The following SEMA4D variants were observed in gnomAD, a reference collection of about 807,000 sequenced individuals.
The protein encoded by SEMA4D is semaphorin 4D, also known as semaphorin-4D.
Under a neutral mutation model 74.8 loss-of-function variants are expected in SEMA4D, and 22 were observed. That is an observed-to-expected ratio of 0.29 (90% CI 0.21 to 0.42). SEMA4D has a LOEUF of 0.42. Among genes scored for constraint, SEMA4D ranks in the 10% least tolerant of loss-of-function variants. The probability of loss-of-function intolerance (pLI) is 1.00; values close to 1 mark genes in which losing one functional copy is unlikely to be tolerated. For synonymous variants in SEMA4D, 445 were observed against 463.7 expected (o/e 0.96, Z 0.52); for missense variants, 937 against 1,118.4 (o/e 0.84, Z 2.31).
chr9:89,373,188 C>T (rs930182981), downstream of SEMA4D, among the ~76,000 whole-genome samples: 8 of 152,194 alleles, frequency 5.3e-5, no homozygotes, highest in South Asian at 1.4e-3. Flanking sequence ...CCCACGTGGC[C>T]ACATCACCTC....
rs544086609 is a variant in SEMA4D, at chr9:89,435,012, A to AT, written c.-244+20875dup. ...ATGCTGCAACATAATTAATCCATAT[A>AT]TTTTTAATACTGGGAAGTCCCAACC... On this transcript the variant is annotated intron_variant, in intron 2 of 15. Transcript: ENST00000422704. Among the ~76,000 whole-genome samples the AT allele has an allele frequency of 9.2e-5, 14 of 152,240 alleles. No individual in the cohort carries two copies. The South Asian group carries it at 2.9e-3, about 32-fold the overall frequency.
chr9:89,394,581 G>A (rs1272453149), intron 6 of SEMA4D, among the ~76,000 whole-genome samples: 1 of 152,254 alleles, frequency 6.6e-6, no homozygotes, highest in Admixed American at 6.5e-5. Flanking sequence ...TGGGCATGCT[G>A]AAGACAGGCA....
At chr9:89,370,744 T>G (rs1190489099) in intron 16 of SEMA4D, among the ~76,000 whole-genome samples, 1 of 128,796 alleles carries the variant, frequency 7.8e-6, no homozygotes, top group Admixed American at 8.0e-5. Context: ...GGTGTGTGTG[T>G]GGGGTGTGGT....
chr9:89,497,828 G>A (rs1401163863), intron 1 of SEMA4D, 91 bp downstream of exon 1: 4 of 151,366 alleles, frequency 2.6e-5, no homozygotes, highest in Admixed American at 6.6e-5. Flanking sequence ...CTAGGGGTGT[G>A]GAGTGGGGGC....
At chr9:89,361,400 G>C (rs1041603833) in exon 19 of SEMA4D, 5 of 152,228 alleles carry the variant, frequency 3.3e-5, no homozygotes, top group African/African-American at 1.2e-4. Context: ...GAGGGGTGCG[G>C]CTTGACTTTT....
intron 2 of SEMA4D, among the ~76,000 whole-genome samples, chr9:89,429,870 A>G (rs1245279586): frequency 6.6e-6 from 1 of 152,190 alleles, no homozygotes; most frequent in Non-Finnish European, 1.5e-5. Context: ...TGGAGTGGCC[A>G]GTTACGTGCT....
At chr9:89,372,001 T>C (rs1371337277) in intron 16 of SEMA4D, among the ~76,000 whole-genome samples, 1 of 2,008 alleles carries the variant, frequency 5.0e-4, no homozygotes, top group African/African-American at 4.4e-3. Context: ...GGTGTGTGTC[T>C]GGGGTGTGGT....
chr9:89,371,790 GT>G (rs1316706799), intron 16 of SEMA4D, among the ~76,000 whole-genome samples: 1 of 57,478 alleles, frequency 1.7e-5, no homozygotes, highest in Non-Finnish European at 3.3e-5. Flanking sequence ...GTCGGGGTGT[GT>G]TTGGGGTGTG....
At chr9:89,466,382 TAGAC>T (rs1467704803) in intron 1 of SEMA4D, among the ~76,000 whole-genome samples, 2 of 152,142 alleles carry the variant, frequency 1.3e-5, no homozygotes, top group Non-Finnish European at 2.9e-5. Flanking sequence ...TCCACAACCT[TAGAC>T]AGAGGGCTGC....
chr9:89,476,047 C>T (rs1182247377), intron 1 of SEMA4D, among the ~76,000 whole-genome samples: 3 of 152,196 alleles, frequency 2.0e-5, no homozygotes, highest in African/African-American at 7.2e-5. Context: ...TCCTAAGAAG[C>T]AGAAGGTCGG....
chr9:89,450,195 C>T, intron 2 of SEMA4D: 2 of 1,282,338 alleles, frequency 1.6e-6, no homozygotes, highest in Non-Finnish European at 2.3e-6. Context: ...GAAGAAGGAC[C>T]ATGAAAAAGC....
intron 1 of SEMA4D, among the ~76,000 whole-genome samples, chr9:89,493,091 T>C (rs943995491): frequency 1.3e-5 from 2 of 152,154 alleles, no homozygotes; most frequent in Non-Finnish European, 2.9e-5. Context: ...CTTCATCAAG[T>C]GGACAAGTGC....
At chr9:89,488,639 T>C (rs750805355) in intron 1 of SEMA4D, among the ~76,000 whole-genome samples, 1 of 152,140 alleles carries the variant, frequency 6.6e-6, no homozygotes, top group Admixed American at 6.6e-5. Context: ...TCCCGAACTG[T>C]TGGGATTACA....
At chr9:89,436,081 T>G (rs1850337457) in intron 2 of SEMA4D, among the ~76,000 whole-genome samples, 1 of 152,104 alleles carries the variant, frequency 6.6e-6, no homozygotes, top group Non-Finnish European at 1.5e-5. Context: ...GCACTTCTGT[T>G]GTCTTCAAAG....
At chr9:89,416,142 G>A (rs948297891) in intron 2 of SEMA4D, among the ~76,000 whole-genome samples, 7 of 152,208 alleles carry the variant, frequency 4.6e-5, no homozygotes. Flanking sequence ...TTAAAAGTCT[G>A]CTGCTAGTTA....
chr9:89,433,636 C>T (rs992213309), intron 2 of SEMA4D, among the ~76,000 whole-genome samples: 9 of 152,164 alleles, frequency 5.9e-5, no homozygotes, highest in African/African-American at 1.4e-4. Flanking sequence ...TGCATGTAGC[C>T]GAGCATGGGC....
intron 2 of SEMA4D, among the ~76,000 whole-genome samples, chr9:89,432,646 C>CA (rs1587847396): frequency 6.6e-6 from 1 of 152,024 alleles, no homozygotes; most frequent in African/African-American, 2.4e-5. Flanking sequence ...GGTTAAAAAG[C>CA]AAAAACAACC....
chr9:89,366,865 A>G (rs367921451), intron 16 of SEMA4D, among the ~76,000 whole-genome samples: 4 of 152,284 alleles, frequency 2.6e-5, no homozygotes, highest in South Asian at 4.1e-4. Context: ...GACTGGAGTC[A>G]CTGAGTCACA....
chr9:89,389,352 G>C (rs1424471341), intron 9 of SEMA4D, among the ~76,000 whole-genome samples: 2 of 152,166 alleles, frequency 1.3e-5, no homozygotes, highest in Admixed American at 6.5e-5. Flanking sequence ...TCCTGCAACC[G>C]CAGAGGTGCT....
Sources: allele counts gnomAD v4.1 joint callset (sites outside exome capture counted in the v4.1 genomes callset), GRCh38; gene constraint gnomAD v4.1.1; transcripts MANE v1.5; gene names NCBI Gene and HGNC (gene_info 2026-07-23, HGNC 2026-07-21).